The following NAALADL2 variants were observed in gnomAD, a reference collection of about 807,000 sequenced individuals.
NAALADL2 encodes the protein inactive N-acetylated-alpha-linked acidic dipeptidase-like protein 2.
NAALADL2 carries 76 observed loss-of-function variants against 87.2 expected under a neutral mutation model. The observed-to-expected ratio is 0.87, with a 90% CI of 0.72 to 1.05. The LOEUF is 1.05. NAALADL2 is among the 50% of genes least tolerant of loss of function. The probability of loss-of-function intolerance (pLI) is 0.00; values close to 1 mark genes in which losing one functional copy is unlikely to be tolerated. For synonymous variants in NAALADL2, 354 were observed against 331.0 expected, an observed-to-expected ratio of 1.07 and a Z score of -0.75; for missense variants, 1,089 against 945.8, an observed-to-expected ratio of 1.15 and a Z score of -1.99.
At chr3:175,712,374 C>G (rs1300953243) in intron 11 of NAALADL2, among the ~76,000 whole-genome samples, 1 of 151,894 alleles carries the variant, frequency 6.6e-6, no homozygotes, top group Non-Finnish European at 1.5e-5. Flanking sequence ...GACGGTAGTC[C>G]TTGTCTCTTC....
chr3:175,109,622 T>C lies in NAALADL2; in HGVS notation c.545+12331T>C, dbSNP rs145284094. Among the ~76,000 whole-genome samples the C allele has an allele frequency of 5.4e-3, 820 of 151,964 alleles. 6 individuals are homozygous for C. Among genetic ancestry groups the C allele is most frequent in the African/African-American group, 0.019 (778 of 41,498 alleles). ...AAGGTATCTAGGTGATTATTTGGGA[T>C]GCAGTGGTCAGTTCAACTTCAAACG... On this transcript the variant is annotated intron_variant, in intron 2 of 13. Transcript: ENST00000454872.
chr3:175,166,686 A>G (rs1734051985), intron 2 of NAALADL2, among the ~76,000 whole-genome samples: 1 of 151,890 alleles, frequency 6.6e-6, no homozygotes. Flanking sequence ...ATTTCCATGG[A>G]TGTAGCTACG....
At chr3:175,094,105 C>T (rs1720671339) in intron 1 of NAALADL2, among the ~76,000 whole-genome samples, 1 of 144,810 alleles carries the variant, frequency 6.9e-6, no homozygotes, top group Non-Finnish European at 1.5e-5. Flanking sequence ...ATAAACCAAG[C>T]TCTACGATTC....
intron 2 of NAALADL2, among the ~76,000 whole-genome samples, chr3:175,169,588 A>G (rs1734492752): frequency 6.6e-6 from 1 of 151,702 alleles, no homozygotes; most frequent in Non-Finnish European, 1.5e-5. Flanking sequence ...TCAATGTGAT[A>G]TTCTCATTTT....
At chr3:174,851,925 A>T (rs1417641506) in intron 3 of NAALADL2, among the ~76,000 whole-genome samples, 1 of 152,176 alleles carries the variant, frequency 6.6e-6, no homozygotes, top group Admixed American at 6.5e-5. Flanking sequence ...GGTTCAACAT[A>T]TGCAAATCAA....
At chr3:174,649,328 A>G (rs1258589591) in intron 2 of NAALADL2, among the ~76,000 whole-genome samples, 2 of 152,182 alleles carry the variant, frequency 1.3e-5, no homozygotes, top group South Asian at 2.1e-4. Context: ...GATGAATTCC[A>G]TATATAGTCT....
chr3:175,062,476 CTGTGTGTGTGTGTGTGTGTGTG>C (rs71792051), intron 1 of NAALADL2, among the ~76,000 whole-genome samples: 16 of 131,564 alleles, frequency 1.2e-4, no homozygotes, highest in African/African-American at 3.9e-4. Context: ...GGAAGTTTGG[CTGTGTGTGTGTGTGTGTGTGTG>C]TGTGTGTGTG....
intron 13 of NAALADL2, among the ~76,000 whole-genome samples, chr3:175,759,102 G>C (rs1296219442): frequency 2.0e-5 from 3 of 152,100 alleles, no homozygotes; most frequent in African/African-American, 7.2e-5. Flanking sequence ...TGAATCCTAT[G>C]ATGTTGCATG....
At chr3:175,544,463 A>C (rs1712942461) in intron 9 of NAALADL2, among the ~76,000 whole-genome samples, 1 of 152,150 alleles carries the variant, frequency 6.6e-6, no homozygotes, top group Admixed American at 6.5e-5. Flanking sequence ...GGCAGTTTTT[A>C]TTCTCAAAAG....
At chr3:174,838,847 A>G (rs1246262824) in intron 3 of NAALADL2, among the ~76,000 whole-genome samples, 3 of 152,150 alleles carry the variant, frequency 2.0e-5, no homozygotes, top group African/African-American at 7.2e-5. Flanking sequence ...GAAATCATAG[A>G]CGACACAAGC....
At chr3:174,833,490 T>C (rs1360173705) in intron 3 of NAALADL2, among the ~76,000 whole-genome samples, 2 of 152,112 alleles carry the variant, frequency 1.3e-5, no homozygotes, top group Non-Finnish European at 2.9e-5. Flanking sequence ...AAGGATGAAA[T>C]ATCAGTTCTG....
chr3:174,787,293 A>G (rs1716788100), intron 3 of NAALADL2, among the ~76,000 whole-genome samples: 1 of 151,614 alleles, frequency 6.6e-6, no homozygotes, highest in African/African-American at 2.4e-5. Context: ...CACAATGCCC[A>G]AGACTGCATA....
intron 1 of NAALADL2, among the ~76,000 whole-genome samples, chr3:175,034,088 C>A (rs1279424481): frequency 2.6e-5 from 4 of 152,122 alleles, no homozygotes; most frequent in Non-Finnish European, 5.9e-5. Context: ...TTCTCTCATG[C>A]CATGTATAAT....
chr3:175,485,265 A>G (rs1193289891), intron 9 of NAALADL2, among the ~76,000 whole-genome samples: 1 of 152,108 alleles, frequency 6.6e-6, no homozygotes. Flanking sequence ...TTGGGAGGTA[A>G]TTAGCTCATG....
chr3:174,828,893 G>A (rs1226791720), intron 3 of NAALADL2, among the ~76,000 whole-genome samples: 1 of 152,166 alleles, frequency 6.6e-6, no homozygotes, highest in Non-Finnish European at 1.5e-5. Context: ...TACATTGATA[G>A]ATAAGGGAGG....
At chr3:175,224,820 C>T (rs1247372418) in intron 2 of NAALADL2, among the ~76,000 whole-genome samples, 1 of 152,190 alleles carries the variant, frequency 6.6e-6, no homozygotes, top group South Asian at 2.1e-4. Flanking sequence ...CTTCAAAACA[C>T]GTTTTATCTC....
chr3:174,819,903 A>T (rs577229901), intron 3 of NAALADL2, among the ~76,000 whole-genome samples: 88 of 152,274 alleles, frequency 5.8e-4, no homozygotes, highest in Admixed American at 1.3e-3. Context: ...AAAATAAGAT[A>T]TTTTGATCAT....
chr3:174,839,806 A>C (rs1476838323), intron 3 of NAALADL2, among the ~76,000 whole-genome samples: 1 of 151,806 alleles, frequency 6.6e-6, no homozygotes, highest in Non-Finnish European at 1.5e-5. Flanking sequence ...ATACCACCTT[A>C]CTCCTGAACG....
intron 3 of NAALADL2, among the ~76,000 whole-genome samples, chr3:174,851,287 C>T (rs914704270): frequency 3.1e-5 from 4 of 127,596 alleles, no homozygotes; most frequent in African/African-American, 1.2e-4. Context: ...TTGAAACAAA[C>T]AAAGACAACA....
Sources: allele counts gnomAD v4.1 joint callset (sites outside exome capture counted in the v4.1 genomes callset), GRCh38; gene constraint gnomAD v4.1.1; transcripts MANE v1.5; gene names NCBI Gene and HGNC (gene_info 2026-07-23, HGNC 2026-07-21).